Variants in VSIG4 observed in about 807,000 individuals in gnomAD.
VSIG4 encodes the protein V-set and immunoglobulin domain-containing protein 4.
In VSIG4, 34 loss-of-function variants were observed where a neutral mutation model predicts 23.4. The ratio of observed to expected loss-of-function variants is 1.45; its 90% CI spans 1.10 to 1.93. The LOEUF (loss-of-function observed/expected upper bound fraction) is 1.93. Ranked by LOEUF, VSIG4 falls within the 30% of genes most tolerant of loss-of-function variation. The probability of loss-of-function intolerance (pLI) is 0.00; values close to 1 mark genes in which losing one functional copy is unlikely to be tolerated. For missense variants in VSIG4, 433 were observed against 310.8 expected (o/e 1.39, Z -2.96); for synonymous variants, 169 against 120.3 (o/e 1.41, Z -2.65).
intron 6 of VSIG4, 150 bp from the exon 7 acceptor site, chrX:66,023,012 G>T: frequency 1.7e-6 from 1 of 592,946 alleles, no homozygotes. Context: ...GGGAGGTATT[G>T]GGGAGGTGAA....
intron 6 of VSIG4, 71 bp downstream of exon 6, chrX:66,024,954 G>A: frequency 1.2e-6 from 1 of 826,244 alleles, no homozygotes; most frequent in Non-Finnish European, 1.7e-6. Context: ...GCCTGATACA[G>A]AATTTAGGCT....
intron 1 of VSIG4, among the ~76,000 whole-genome samples, chrX:66,039,513 T>C (rs1474100052): frequency 9.0e-6 from 1 of 111,626 alleles, no homozygotes; most frequent in Non-Finnish European, 1.9e-5. Context: ...GTTACTTCTA[T>C]AGTCCTATCC....
intron 1 of VSIG4, among the ~76,000 whole-genome samples, chrX:66,036,723 A>G (rs1386155190): frequency 7.7e-5 from 4 of 51,881 alleles, no homozygotes; most frequent in African/African-American, 3.4e-4. Flanking sequence ...TAATATATAT[A>G]TTATATAATT....
intron 7 of VSIG4, 151 bp from the exon 8 acceptor site, chrX:66,022,651 T>C: frequency 8.9e-7 from 1 of 1,125,273 alleles, no homozygotes; most frequent in Non-Finnish European, 1.2e-6. Flanking sequence ...TAAATTATCC[T>C]TTGTGTTCAG....
At chrX:66,022,738 G>A in intron 7 of VSIG4, 103 bp downstream of exon 7, 5 of 1,196,692 alleles carry the variant, frequency 4.2e-6, no homozygotes, top group Non-Finnish European at 1.1e-6. Context: ...TCCGGCCTTA[G>A]GATTGGGTCT....
intron 1 of VSIG4, among the ~76,000 whole-genome samples, chrX:66,035,349 A>C (rs1274733676): frequency 8.9e-6 from 1 of 111,859 alleles, no homozygotes; most frequent in African/African-American, 3.3e-5. Context: ...TTTTTATGTT[A>C]TTCTTGTCTG....
chrX:66,038,506 C>T (rs1255993750), intron 1 of VSIG4, among the ~76,000 whole-genome samples: 2 of 106,064 alleles, frequency 1.9e-5, no homozygotes, highest in African/African-American at 7.3e-5. Flanking sequence ...CACACACACA[C>T]ATGAATGCAC....
chrX:66,037,359 T>C (rs1277245517), intron 1 of VSIG4, among the ~76,000 whole-genome samples: 4 of 22,587 alleles, frequency 1.8e-4, no homozygotes, highest in African/African-American at 1.6e-3. Flanking sequence ...TAATATATAT[T>C]ATATAATAAT....
chrX:66,022,952 G>A (rs994252549), intron 6 of VSIG4, 90 bp from the exon 7 acceptor site: 1 of 1,008,719 alleles, frequency 9.9e-7, no homozygotes, highest in Non-Finnish European at 1.4e-6. Context: ...AAAAGATGAG[G>A]GAAGGGTACA....
chrX:66,037,638 A>G (rs2085630025), intron 1 of VSIG4, among the ~76,000 whole-genome samples: 1 of 83,558 alleles, frequency 1.2e-5, no homozygotes, highest in African/African-American at 4.6e-5. Flanking sequence ...ATAATATATA[A>G]TAATTATATA....
intron 7 of VSIG4, 126 bp downstream of exon 7, chrX:66,022,715 G>A (rs1490322804): frequency 1.0e-5 from 12 of 1,168,780 alleles, no homozygotes; most frequent in Admixed American, 2.6e-5. Context: ...GCTATGTCCT[G>A]ACCCTGAAGG....
intron 7 of VSIG4, 73 bp downstream of exon 7, chrX:66,022,768 C>T (rs2085347405): frequency 8.3e-7 from 1 of 1,208,045 alleles, no homozygotes; most frequent in Non-Finnish European, 1.1e-6. Context: ...CCCCCTTCCT[C>T]CACATTTCCT....
Position 66,033,569 on chromosome X carries a change from T to C in VSIG4, c.317A>G (p.Asp106Gly). Residue 106 changes from aspartate (D) to glycine (G), a missense_variant, in exon 2 of 8, where the codon GAT becomes GGT. Asp to Gly is a moderately conservative substitution (Grantham distance 94, BLOSUM62 -1). Coordinates refer to ENST00000374737, the MANE Select transcript of VSIG4 (RefSeq NM_007268.3). ...TTCACACGTGTAGTGGCTCCGGTCA[T>C]CCATCTCCAGGGTGCTCAATTGGAG... The part of the protein sequence containing the change: ...VSLQLSTLEM[D>G]DRSHYTCEVT... 2 of 1,211,529 alleles carry C rather than the reference T, an allele frequency of 1.7e-6. No homozygotes were observed. The highest frequency in any genetic ancestry group is 2.3e-4 in the Middle Eastern group (1 of 4,351).
At position 66,028,193 on chromosome X, in the gene VSIG4, G is replaced by A. The variant is rs191921023; in HGVS notation, c.695-81C>T. On this transcript the variant is annotated intron_variant, in intron 3 of 7. Coordinates refer to ENST00000374737, the MANE Select transcript of VSIG4 (RefSeq NM_007268.3). ...AATGCCCTAGGGAAATAGGAAGTAA[G>A]TAAAGGCCATTCAGGTCCATACTTG... is the stretch of plus-strand genomic sequence containing the variant. 1.7e-3 allele frequency: 1,469 copies of A among 882,277 alleles called. 16 individuals carry two copies. In the African/African-American group the frequency reaches 0.026, roughly 16 times the overall value. 72.7% of individuals were successfully genotyped at this position (882,277 alleles called of 1,213,427 possible).
At chrX:66,034,303 C>G (rs893073515) in intron 1 of VSIG4, among the ~76,000 whole-genome samples, 3 of 111,833 alleles carry the variant, frequency 2.7e-5, no homozygotes, top group Non-Finnish European at 5.6e-5. Flanking sequence ...TAAATTTGCA[C>G]CTGGAGAAAG....
intron 5 of VSIG4, among the ~76,000 whole-genome samples, chrX:66,025,704 C>T (rs185091628): frequency 2.3e-4 from 26 of 112,085 alleles, no homozygotes; most frequent in Admixed American, 4.7e-4. Flanking sequence ...TAATGGTCCT[C>T]TAAAGATATT....
chrX:66,033,336 A>G (rs879114115), intron 2 of VSIG4, 138 bp downstream of exon 2: 2 of 555,402 alleles, frequency 3.6e-6, no homozygotes, highest in Non-Finnish European at 5.9e-6. Flanking sequence ...CTGCCTGTCC[A>G]CTTCCTCTGA....
chrX:66,033,395 A>G, intron 2 of VSIG4, 79 bp downstream of exon 2: 1 of 972,828 alleles, frequency 1.0e-6, no homozygotes, highest in Non-Finnish European at 1.4e-6. Flanking sequence ...AGGCCTCTGG[A>G]TTTTTCAGGC....
At chrX:66,033,868 T>C (rs774183564) in intron 1 of VSIG4, 38 bp from the exon 2 acceptor site, 3 of 1,081,907 alleles carry the variant, frequency 2.8e-6, no homozygotes, top group East Asian at 3.0e-5. Flanking sequence ...CAAACGTAGA[T>C]GGCATACCTA....
Sources: allele counts gnomAD v4.1 joint callset (sites outside exome capture counted in the v4.1 genomes callset), GRCh38; gene constraint gnomAD v4.1.1; transcripts MANE v1.5; gene names NCBI Gene and HGNC (gene_info 2026-07-23, HGNC 2026-07-21).